The following DCLK2 variants were observed in gnomAD, a reference collection of about 807,000 sequenced individuals.
DCLK2 encodes the protein serine/threonine-protein kinase DCLK2.
In DCLK2, 31 loss-of-function variants were observed where a neutral mutation model predicts 78.4. The observed-to-expected ratio is 0.40, with a 90% CI of 0.30 to 0.53. DCLK2 has a LOEUF of 0.53. DCLK2 is among the 20% of genes least tolerant of loss of function. The probability of loss-of-function intolerance (pLI) is 0.61; values close to 1 mark genes in which losing one functional copy is unlikely to be tolerated. For synonymous variants in DCLK2, 407 were observed against 374.9 expected (o/e 1.09, Z -0.99); for missense variants, 872 against 973.7 (o/e 0.90, Z 1.39).
chr4:150,198,918 C>A, intron 4 of DCLK2: 1 of 606,098 alleles, frequency 1.6e-6, no homozygotes, highest in South Asian at 2.2e-5. Flanking sequence ...GCACCCCCCC[C>A]CCCACTTTCT....
intron 10 of DCLK2, among the ~76,000 whole-genome samples, chr4:150,234,707 T>C (rs1224706160): frequency 6.6e-6 from 1 of 151,930 alleles, no homozygotes; most frequent in East Asian, 1.9e-4. Context: ...TTATATTTCA[T>C]TTCTATATGT....
chr4:150,232,899 G>C, intron 10 of DCLK2, 71 bp downstream of exon 10: 1 of 1,554,266 alleles, frequency 6.4e-7, no homozygotes, highest in Non-Finnish European at 8.7e-7. Flanking sequence ...TGCAAATAAT[G>C]GCATTTTATA....
chr4:150,243,491 G>A (rs1331130393), intron 12 of DCLK2, among the ~76,000 whole-genome samples: 3 of 152,040 alleles, frequency 2.0e-5, no homozygotes, highest in Non-Finnish European at 4.4e-5. Flanking sequence ...TTTAAATTAC[G>A]GTAAATAAGT....
At chr4:150,238,364 G>A (rs1270977071) in intron 10 of DCLK2, among the ~76,000 whole-genome samples, 1 of 152,092 alleles carries the variant, frequency 6.6e-6, no homozygotes, top group African/African-American at 2.4e-5. Context: ...GTTTTTAAAA[G>A]TCATAGATAA....
intron 5 of DCLK2, among the ~76,000 whole-genome samples, chr4:150,212,199 T>C (rs1375133148): frequency 6.6e-6 from 1 of 152,198 alleles, no homozygotes; most frequent in Non-Finnish European, 1.5e-5. Flanking sequence ...TTATCCAACA[T>C]CTTGAGATTA....
intron 6 of DCLK2, 88 bp from the exon 7 acceptor site, chr4:150,221,589 G>A (rs957286423): frequency 1.3e-6 from 1 of 749,258 alleles, no homozygotes; most frequent in Non-Finnish European, 2.1e-6. Flanking sequence ...AGAAATAAAT[G>A]CATCGCAGTT....
intron 2 of DCLK2, among the ~76,000 whole-genome samples, chr4:150,155,566 C>T (rs186013125): frequency 7.9e-5 from 12 of 152,264 alleles, no homozygotes; most frequent in Non-Finnish European, 1.3e-4. Flanking sequence ...ACCATGGAAA[C>T]GTGGCCTCAG....
chr4:150,223,951 G>T (rs1026391606), intron 7 of DCLK2, among the ~76,000 whole-genome samples: 2 of 151,406 alleles, frequency 1.3e-5, no homozygotes, highest in African/African-American at 4.9e-5. Flanking sequence ...ATGGACTAAT[G>T]TAAAAATATA....
Position 150,104,394 on chromosome 4 carries a change from T to TAA in DCLK2, c.756+1610_756+1611dup, listed in dbSNP as rs34276664. 2.7e-4 allele frequency among the ~76,000 whole-genome samples: 8 copies of TAA among 29,754 alleles called. 1 individual carries two copies. Among genetic ancestry groups the TAA allele is most frequent in the East Asian group, 3.0e-3 (2 of 676 alleles). The allele number at this position is 29,754 out of a possible 152,430, so 19.5% of individuals were successfully genotyped here. Reference sequence around the variant, plus strand: ...TGGTGACAAAAAAGACCACATCTCCTAAAAAAAAAAAAAAAAAAAAAAAAA... The same window carrying TAA: ...TGGTGACAAAAAAGACCACATCTCCTAAAAAAAAAAAAAAAAAAAAAAAAAAA... On this transcript the variant is annotated intron_variant, in intron 2 of 15. Coordinates refer to ENST00000296550, the MANE Select transcript of DCLK2 (RefSeq NM_001040260.4).
intron 2 of DCLK2, among the ~76,000 whole-genome samples, chr4:150,118,107 C>T (rs1041578639): frequency 3.3e-5 from 5 of 152,228 alleles, no homozygotes; most frequent in South Asian, 2.1e-4. Context: ...CTACACTCTT[C>T]CTGGCTGTCC....
At chr4:150,157,492 TG>T (rs1198480810) in intron 2 of DCLK2, among the ~76,000 whole-genome samples, 796 of 59,342 alleles carry the variant, frequency 0.013, 6 homozygotes, top group African/African-American at 0.064. Context: ...ATGGTTTTTT[TG>T]TTTGTTTGTT....
chr4:150,156,992 A>T (rs145451774), intron 2 of DCLK2, among the ~76,000 whole-genome samples: 16 of 151,240 alleles, frequency 1.1e-4, no homozygotes, highest in Non-Finnish European at 2.4e-4. Context: ...CAGATCTCGA[A>T]CTCCTGGACT....
At chr4:150,082,165 T>G (rs1311673967) in intron 1 of DCLK2, among the ~76,000 whole-genome samples, 2 of 152,178 alleles carry the variant, frequency 1.3e-5, no homozygotes, top group African/African-American at 4.8e-5. Context: ...TTAGTAAAAA[T>G]AAGTCTGTAA....
At chr4:150,126,663 C>T (rs969996656) in intron 2 of DCLK2, among the ~76,000 whole-genome samples, 3 of 152,072 alleles carry the variant, frequency 2.0e-5, no homozygotes, top group African/African-American at 7.2e-5. Context: ...ACAAAAATTG[C>T]ACAAATTGTA....
intron 1 of DCLK2, among the ~76,000 whole-genome samples, chr4:150,088,398 T>C (rs1402849287): frequency 6.6e-6 from 1 of 150,580 alleles, no homozygotes; most frequent in Non-Finnish European, 1.5e-5. Context: ...TCCTCAGCTT[T>C]TTTTTTTTCG....
At chr4:150,247,368 T>C (rs760433248) in intron 12 of DCLK2, among the ~76,000 whole-genome samples, 2 of 152,234 alleles carry the variant, frequency 1.3e-5, no homozygotes, top group African/African-American at 2.4e-5. Flanking sequence ...AAGCAAATGT[T>C]TGAGTCATTG....
chr4:150,173,246 C>G (rs961315421), intron 2 of DCLK2, among the ~76,000 whole-genome samples: 2 of 152,100 alleles, frequency 1.3e-5, no homozygotes, highest in African/African-American at 4.8e-5. Flanking sequence ...ACTCTCCTGC[C>G]CGTCACTCTG....
In DCLK2 at chr4:150,248,292, T is replaced by C. The variant is rs554812549; in HGVS notation, c.1876-13T>C. 6.2e-7 allele frequency: 1 copy of C among 1,612,236 alleles called. No homozygotes were observed. The highest frequency in any genetic ancestry group is 2.2e-5 in the East Asian group (1 of 44,874). ...CTCCTCCTCTGTGGTCTGACTTGTTTGTTTATTTGTAGGAATTAATCAGTC... is the reference window on the plus strand; with the variant it reads ...CTCCTCCTCTGTGGTCTGACTTGTTCGTTTATTTGTAGGAATTAATCAGTC... On this transcript the variant is annotated splice_polypyrimidine_tract_variant and intron_variant, in intron 13 of 15. Transcript: ENST00000296550.
At position 150,102,760 on chromosome 4, in the gene DCLK2, T is replaced by C. The variant is rs780588643; in HGVS notation, c.704T>C (p.Ile235Thr). ...GTCTTAACAGATATCACCGAAGCCA[T>C]TAAACTAGACTCAGGAGTCGTCAAG... ...EQVLTDITEA[I>T]KLDSGVVKRL... Residue 235 changes from isoleucine to threonine, a missense_variant, in exon 2 of 16, where the codon ATT becomes ACT. Transcript: ENST00000296550. 1 of 1,614,036 alleles carries C rather than the reference T, an allele frequency of 6.2e-7. No individual in the cohort carries two copies. The highest frequency in any genetic ancestry group is 1.1e-5 in the South Asian group (1 of 91,074).
Sources: gnomAD v4.1 joint callset for allele counts (sites outside exome capture counted in the v4.1 genomes callset) on GRCh38, gnomAD v4.1.1 for gene constraint, MANE v1.5 for transcripts, NCBI Gene and HGNC (gene_info 2026-07-23, HGNC 2026-07-21) for gene names.